NCAM1: variants seen among roughly 807,000 people sequenced by gnomAD.
NCAM1 encodes the protein neural cell adhesion molecule 1.
Under a neutral mutation model 109.8 loss-of-function variants are expected in NCAM1, and 14 were observed. The ratio of observed to expected loss-of-function variants is 0.13; its 90% CI spans 0.08 to 0.20. The LOEUF (loss-of-function observed/expected upper bound fraction) is 0.20, where lower values mean the gene tolerates loss of function less well. Ranked by LOEUF, NCAM1 falls within the 10% of genes least tolerant of loss-of-function variation. The pLI, the probability that NCAM1 is intolerant of heterozygous loss-of-function variation, is 1.00. For synonymous variants in NCAM1, 418 were observed against 442.9 expected (o/e 0.94, Z 0.70); for missense variants, 774 against 1,109.9 (o/e 0.70, Z 4.30).
chr11:113,222,079 A>T (rs1555115443), intron 9 of NCAM1, among the ~76,000 whole-genome samples: 1 of 152,224 alleles, frequency 6.6e-6, no homozygotes, highest in African/African-American at 2.4e-5. Flanking sequence ...GATCATGACT[A>T]TAATTTTTTA....
At chr11:113,064,983 T>A (rs931042071) in intron 1 of NCAM1, among the ~76,000 whole-genome samples, 1 of 152,152 alleles carries the variant, frequency 6.6e-6, no homozygotes, top group African/African-American at 2.4e-5. Context: ...AACAAGCACA[T>A]CTAGCACCCA....
intron 1 of NCAM1, among the ~76,000 whole-genome samples, chr11:113,104,278 G>A (rs980835852): frequency 5.3e-5 from 8 of 151,462 alleles, no homozygotes; most frequent in African/African-American, 1.9e-4. Context: ...GTTTACAGGA[G>A]TGAAGAGAAG....
intron 1 of NCAM1, among the ~76,000 whole-genome samples, chr11:113,158,474 C>T (rs1202412298): frequency 6.6e-6 from 1 of 152,194 alleles, no homozygotes; most frequent in South Asian, 2.1e-4. Flanking sequence ...GCTCTATTCT[C>T]CCTTCCCCTT....
At chr11:113,000,687 G>A (rs1258461586) in intron 1 of NCAM1, among the ~76,000 whole-genome samples, 11 of 151,740 alleles carry the variant, frequency 7.2e-5, no homozygotes, top group Admixed American at 7.2e-4. Flanking sequence ...GGTGTTCTGT[G>A]GTTAATGCCC....
At chr11:113,271,705 G>T in intron 18 of NCAM1, 55 bp from the exon 19 acceptor site, 2 of 1,376,384 alleles carry the variant, frequency 1.5e-6, no homozygotes, top group East Asian at 5.1e-5. Flanking sequence ...GCTCTTCCGT[G>T]GGAGCCCCTC....
In NCAM1 at chr11:113,275,487, C is replaced by A. The variant is rs1555126402; in HGVS notation, c.*100C>A. ...AGACACACACACGCACGCACACACA[C>A]AAACACACATGCACACACACACATC... On this transcript the variant is annotated 3_prime_UTR_variant, in exon 20 of 20. Coordinates refer to ENST00000316851, the MANE Select transcript of NCAM1 (RefSeq NM_181351.5). The A allele has an allele frequency of 1.4e-6, 2 of 1,401,434 alleles. No individual in the cohort carries two copies. Among genetic ancestry groups the A allele is most frequent in the African/African-American group, 1.4e-5 (1 of 69,400 alleles). 86.8% of individuals were successfully genotyped at this position (1,401,434 alleles called of 1,614,324 possible).
At chr11:113,060,236 T>C (rs373152794) in intron 1 of NCAM1, among the ~76,000 whole-genome samples, 195 of 152,348 alleles carry the variant, frequency 1.3e-3, no homozygotes, top group African/African-American at 4.6e-3. Context: ...TGCGACATCA[T>C]GGTTTATGAT....
At chr11:113,144,228 C>G (rs192214931) in intron 1 of NCAM1, among the ~76,000 whole-genome samples, 1 of 152,254 alleles carries the variant, frequency 6.6e-6, no homozygotes, top group African/African-American at 2.4e-5. Context: ...CAGCCAGAAA[C>G]CTCTGTAACA....
chr11:113,124,069 C>A (rs570810202), intron 1 of NCAM1, among the ~76,000 whole-genome samples: 5 of 152,182 alleles, frequency 3.3e-5, no homozygotes, highest in Non-Finnish European at 7.3e-5. Context: ...CAAAGTAATT[C>A]TCTTAGATAG....
intron 1 of NCAM1, among the ~76,000 whole-genome samples, chr11:113,042,981 A>G (rs1953131183): frequency 6.6e-6 from 1 of 152,126 alleles, no homozygotes; most frequent in Non-Finnish European, 1.5e-5. Flanking sequence ...CTTCCTCATC[A>G]TTTGTATTCT....
At position 113,231,627 on chromosome 11, in the gene NCAM1, C is replaced by CT. The variant is rs2137233197; in HGVS notation, c.1090-18_1090-17insT. 8.9e-7 allele frequency: 1 copy of CT among 1,127,378 alleles called. No individual in the cohort carries two copies. The highest frequency in any genetic ancestry group is 1.8e-5 in the Admixed American group (1 of 55,886). The allele number at this position is 1,127,378 out of a possible 1,614,324, so 69.8% of individuals were successfully genotyped here. A position where few individuals can be genotyped will look rare whatever the true frequency, so the allele number is the denominator to read the frequency against. On this transcript the variant is annotated splice_polypyrimidine_tract_variant and intron_variant, in intron 9 of 19. Coordinates refer to ENST00000316851, the MANE Select transcript of NCAM1 (RefSeq NM_181351.5). ...GCCTTGGGCTCTGACATGCTCCCTT[C>CT]CCCCCCACCCCCGGCAGACTCTGGA...
chr11:113,132,294 A>T (rs191042248), intron 1 of NCAM1, among the ~76,000 whole-genome samples: 3 of 152,308 alleles, frequency 2.0e-5, no homozygotes, highest in Admixed American at 2.0e-4. Flanking sequence ...GTGAGCAAAG[A>T]CAGTTCTCCC....
At chr11:113,195,761 C>T (rs545805502) in intron 1 of NCAM1, among the ~76,000 whole-genome samples, 1 of 152,096 alleles carries the variant, frequency 6.6e-6, no homozygotes, top group African/African-American at 2.4e-5. Context: ...CTGCCTCTGC[C>T]TCCCAAAGTG....
intron 17 of NCAM1, chr11:113,264,858 C>T (rs2137710123): frequency 2.0e-6 from 2 of 985,470 alleles, no homozygotes; most frequent in African/African-American, 3.5e-5. Flanking sequence ...CAGGAGGCAG[C>T]ACTAGCGCAT....
intron 1 of NCAM1, among the ~76,000 whole-genome samples, chr11:113,046,822 AAAAG>A (rs546358104): frequency 5.1e-4 from 77 of 152,194 alleles, no homozygotes; most frequent in Middle Eastern, 6.8e-3. Context: ...GAGAGAAAGA[AAAAG>A]AAAGAAAGAA....
intron 1 of NCAM1, among the ~76,000 whole-genome samples, chr11:113,097,508 C>A (rs79336332): frequency 6.6e-6 from 1 of 152,024 alleles, no homozygotes. Context: ...CATACCCTCC[C>A]GTTAGCTGAA....
intron 1 of NCAM1, among the ~76,000 whole-genome samples, chr11:113,139,233 A>G (rs139571976): frequency 1.8e-4 from 28 of 152,352 alleles, no homozygotes; most frequent in African/African-American, 6.5e-4. Flanking sequence ...TGGCAGAAAG[A>G]AAGTCAGATC....
At chr11:113,221,445 C>G (rs184062726) in intron 9 of NCAM1, 120 bp downstream of exon 9, 1 of 1,061,660 alleles carries the variant, frequency 9.4e-7, no homozygotes, top group Non-Finnish European at 1.4e-6. Context: ...AAGAATAGGT[C>G]GATAGTGGTA....
At chr11:113,009,337 T>TG (rs1555073954) in intron 1 of NCAM1, among the ~76,000 whole-genome samples, 2 of 144,472 alleles carry the variant, frequency 1.4e-5, no homozygotes, top group Admixed American at 6.9e-5. Flanking sequence ...TTTTTTTTTT[T>TG]TTTTATTGAG....
Sources: allele counts gnomAD v4.1 joint callset (sites outside exome capture counted in the v4.1 genomes callset), GRCh38; gene constraint gnomAD v4.1.1; transcripts MANE v1.5; gene names NCBI Gene and HGNC (gene_info 2026-07-23, HGNC 2026-07-21).